Variants in BACE2 observed in about 807,000 individuals in gnomAD.
The protein encoded by BACE2 is 56 kDa aspartic-like protease.
BACE2 carries 17 observed loss-of-function variants against 46.2 expected under a neutral mutation model. The ratio of observed to expected loss-of-function variants is 0.37; its 90% confidence interval spans 0.25 to 0.55. The LOEUF is 0.55. Among genes scored for constraint, BACE2 ranks in the 20% least tolerant of loss-of-function variants. The pLI is 0.82. For missense variants in BACE2, 595 were observed against 698.1 expected (o/e 0.85, Z 1.66); for synonymous variants, 277 against 295.9 (o/e 0.94, Z 0.66).
In BACE2 at chr21:41,281,963, A is replaced by G. The variant is rs1038851149; in HGVS notation, c.*6339A>G. ...AGCTGAATTTTTGTAATCTAAAATG[A>G]TGTATTTTCTACTATTGCTGTTAAT... On this transcript the variant is annotated 3_prime_UTR_variant, in exon 9 of 9. Transcript: ENST00000330333. The G allele has an allele frequency of 1.3e-5, 2 of 152,252 alleles. No homozygotes were observed. The highest frequency in any genetic ancestry group is 2.4e-5 in the African/African-American group (1 of 41,476). The allele number at this position is 152,252 out of a possible 1,614,324, so 9.4% of individuals were successfully genotyped here. A position where few individuals can be genotyped will look rare whatever the true frequency, so the allele number is the denominator to read the frequency against.
chr21:41,234,023 A>G (rs1987040288), intron 2 of BACE2, among the ~76,000 whole-genome samples: 1 of 152,152 alleles, frequency 6.6e-6, no homozygotes, highest in East Asian at 1.9e-4. Context: ...CCCCACTCAA[A>G]TCTCATCTTG....
chr21:41,209,665 G>A (rs1986238800), intron 1 of BACE2, among the ~76,000 whole-genome samples: 1 of 152,156 alleles, frequency 6.6e-6, no homozygotes, highest in African/African-American at 2.4e-5. Context: ...GTACAGACAA[G>A]GGGGCTGAGG....
At chr21:41,177,523 T>C (rs1040015092) in intron 1 of BACE2, 1 of 152,232 alleles carries the variant, frequency 6.6e-6, no homozygotes. Flanking sequence ...AGTAATACCC[T>C]TGGGACGGGG....
Position 41,226,250 on chromosome 21 carries a change from C to G in BACE2, c.313-16C>G. On this transcript the variant is annotated splice_polypyrimidine_tract_variant and intron_variant, in intron 1 of 8. Coordinates refer to ENST00000330333, the MANE Select transcript of BACE2 (RefSeq NM_012105.5). The stretch of plus-strand genomic sequence containing the variant: ...TTGATGCTTTCTATTTTTTTTTTCT[C>G]CTTAAAACATAAAAGCTACAGATTC... 1 of 1,592,450 alleles carries G rather than the reference C, an allele frequency of 6.3e-7. No individual in the cohort carries two copies. Among genetic ancestry groups the G allele is most frequent in the Non-Finnish European group, 8.5e-7 (1 of 1,170,754 alleles).
chr21:41,169,236 G>A (rs1460374206), intron 1 of BACE2, among the ~76,000 whole-genome samples: 1 of 150,212 alleles, frequency 6.7e-6, no homozygotes, highest in South Asian at 2.1e-4. Context: ...CCCTCTGCAC[G>A]GAGCGATGCA....
intron 8 of BACE2, among the ~76,000 whole-genome samples, chr21:41,272,942 T>G (rs988209467): frequency 5.9e-5 from 9 of 152,178 alleles, no homozygotes; most frequent in Non-Finnish European, 1.3e-4. Context: ...TCTTTTCTAT[T>G]TCCTTAAGTG....
chr21:41,197,533 A>G (rs553758576), intron 1 of BACE2, among the ~76,000 whole-genome samples: 20 of 152,246 alleles, frequency 1.3e-4, no homozygotes, highest in Non-Finnish European at 1.8e-4. Context: ...TGTTTACATC[A>G]TTAGTTGATT....
intron 1 of BACE2, among the ~76,000 whole-genome samples, chr21:41,197,085 C>T (rs1260744406): frequency 6.6e-6 from 1 of 152,080 alleles, no homozygotes; most frequent in Non-Finnish European, 1.5e-5. Flanking sequence ...CCTCAGCCTC[C>T]CGAGTAGCTG....
chr21:41,256,484 A>G (rs1471545032), intron 7 of BACE2, among the ~76,000 whole-genome samples: 2 of 152,306 alleles, frequency 1.3e-5, no homozygotes, highest in Admixed American at 6.5e-5. Flanking sequence ...TAAATTCTGT[A>G]AGACACATTT....
At position 41,276,112 on chromosome 21, in the gene BACE2, G is replaced by T. The variant is rs916091514; in HGVS notation, c.*488G>T. ...AGGAAGGCTTGCAGTATGATGGCAG[G>T]AGAATCAGCCTGGGGCCTGGGGATG... On this transcript the variant is annotated 3_prime_UTR_variant, in exon 9 of 9. Transcript: ENST00000330333. 6.2e-6 allele frequency: 1 copy of T among 160,608 alleles called. No homozygotes were observed. The highest frequency in any genetic ancestry group is 1.8e-4 in the East Asian group (1 of 5,602). 9.9% of individuals were successfully genotyped at this position (160,608 alleles called of 1,614,324 possible).
At chr21:41,200,190 T>TAAA (rs551561985) in intron 1 of BACE2, among the ~76,000 whole-genome samples, 18 of 125,042 alleles carry the variant, frequency 1.4e-4, no homozygotes, top group African/African-American at 5.4e-4. Context: ...CAAGTATAAT[T>TAAA]AAAAAAAAAA....
intron 1 of BACE2, among the ~76,000 whole-genome samples, chr21:41,194,064 A>G (rs2123517577): frequency 6.6e-6 from 1 of 152,310 alleles, no homozygotes; most frequent in South Asian, 2.1e-4. Context: ...TCTGTAAACT[A>G]GCTCAAGTCT....
At chr21:41,245,819 T>C in intron 5 of BACE2, 143 bp from the exon 6 acceptor site, 1 of 554,854 alleles carries the variant, frequency 1.8e-6, no homozygotes, top group East Asian at 3.1e-5. Flanking sequence ...TCTGAGAACA[T>C]GAATGAACTA....
chr21:41,242,705 A>T (rs935056043), intron 4 of BACE2, among the ~76,000 whole-genome samples: 1 of 152,120 alleles, frequency 6.6e-6, no homozygotes, highest in African/African-American at 2.4e-5. Flanking sequence ...ACCTCCAAGG[A>T]ACTAAATAAT....
chr21:41,222,108 A>T (rs969756993), intron 1 of BACE2, among the ~76,000 whole-genome samples: 1 of 152,212 alleles, frequency 6.6e-6, no homozygotes, highest in African/African-American at 2.4e-5. Context: ...TGAGCAAGTC[A>T]GACTCTCTGC....
intron 2 of BACE2, among the ~76,000 whole-genome samples, chr21:41,227,337 C>G (rs1398881821): frequency 6.6e-6 from 1 of 152,184 alleles, no homozygotes; most frequent in Non-Finnish European, 1.5e-5. Flanking sequence ...ACTGTAAATT[C>G]TTTTCCTGAC....
chr21:41,249,624 C>T (rs1987583091), intron 6 of BACE2, among the ~76,000 whole-genome samples: 1 of 152,204 alleles, frequency 6.6e-6, no homozygotes, highest in Admixed American at 6.5e-5. Flanking sequence ...GACCACACAC[C>T]TCCCCAGCGC....
chr21:41,184,886 T>C (rs1188766741), intron 1 of BACE2: 1 of 167,002 alleles, frequency 6.0e-6, no homozygotes, highest in East Asian at 1.9e-4. Flanking sequence ...TTCCTTCTCT[T>C]TTACAAAATA....
intron 8 of BACE2, among the ~76,000 whole-genome samples, chr21:41,267,527 T>C (rs1601322556): frequency 6.6e-6 from 1 of 152,254 alleles, no homozygotes; most frequent in African/African-American, 2.4e-5. Flanking sequence ...AGGCACATGA[T>C]GGATTATGGC....
Sources: allele counts gnomAD v4.1 joint callset (sites outside exome capture counted in the v4.1 genomes callset), GRCh38; gene constraint gnomAD v4.1.1; transcripts MANE v1.5; gene names NCBI Gene and HGNC (gene_info 2026-07-23, HGNC 2026-07-21).